The following ACSS3 variants were observed in gnomAD, a reference collection of about 807,000 sequenced individuals.
ACSS3 encodes acyl-CoA synthetase short chain family member 3, also known as acyl-CoA synthetase short-chain family member 3, mitochondrial.
In ACSS3, 64 loss-of-function variants were observed where a neutral mutation model predicts 84.2. The observed-to-expected ratio is 0.76, with a 90% CI of 0.62 to 0.94. The LOEUF (loss-of-function observed/expected upper bound fraction) is 0.94, where lower values mean the gene tolerates loss of function less well. Ranked by LOEUF, ACSS3 falls within the 40% of genes least tolerant of loss-of-function variation. The pLI, the probability that ACSS3 is intolerant of heterozygous loss-of-function variation, is 0.00. For missense variants in ACSS3, 815 were observed against 867.6 expected, an observed-to-expected ratio of 0.94 and a Z score of 0.76; for synonymous variants, 317 against 310.1, an observed-to-expected ratio of 1.02 and a Z score of -0.23.
At chr12:81,149,995 T>C (rs1886532324) in intron 5 of ACSS3, among the ~76,000 whole-genome samples, 2 of 152,196 alleles carry the variant, frequency 1.3e-5, no homozygotes, top group South Asian at 4.1e-4. Context: ...TAAATGTCGT[T>C]TGAAGAAGTA....
Position 81,078,260 on chromosome 12 carries a change from G to T in ACSS3, c.140G>T (p.Gly47Val). Residue 47 changes from glycine (G) to valine (V), a missense_variant, in exon 1 of 16, where the codon GGG becomes GTG. Coordinates refer to ENST00000548058, the MANE Select transcript of ACSS3 (RefSeq NM_024560.4). Reference sequence around the variant, plus strand: ...GTCCCGGGCCCGCGGGGCGGTCTCGGGGGCCGGGGATGCAGGGCACTGTCC... The same window carrying T: ...GTCCCGGGCCCGCGGGGCGGTCTCGTGGGCCGGGGATGCAGGGCACTGTCC... ...LVVPGPRGGL[G>V]GRGCRALSSG... The T allele has an allele frequency of 6.2e-7, 1 of 1,609,728 alleles. No homozygotes were observed. Among genetic ancestry groups the T allele is most frequent in the Non-Finnish European group, 8.5e-7 (1 of 1,179,566 alleles).
intron 13 of ACSS3, among the ~76,000 whole-genome samples, chr12:81,252,718 A>C (rs972536042): frequency 6.6e-6 from 1 of 152,060 alleles, no homozygotes; most frequent in African/African-American, 2.4e-5. Context: ...AGCAGTATGA[A>C]TATAGTTCTT....
At chr12:81,177,749 CA>C (rs1229850719) in intron 8 of ACSS3, among the ~76,000 whole-genome samples, 3 of 152,130 alleles carry the variant, frequency 2.0e-5, no homozygotes, top group African/African-American at 4.8e-5. Flanking sequence ...AAATGGAAAT[CA>C]AAACCACAGT....
At chr12:81,101,605 T>A (rs2121425741) in intron 1 of ACSS3, among the ~76,000 whole-genome samples, 1 of 152,284 alleles carries the variant, frequency 6.6e-6, no homozygotes, top group South Asian at 2.1e-4. Flanking sequence ...ACATATACAT[T>A]GCATTCCTTT....
At chr12:81,111,420 G>C (rs1446483029) in intron 2 of ACSS3, among the ~76,000 whole-genome samples, 1 of 152,160 alleles carries the variant, frequency 6.6e-6, no homozygotes, top group Admixed American at 6.5e-5. Context: ...CCAGGGGAGA[G>C]GCCACTGGTG....
chr12:81,162,806 G>A (rs1035754929), intron 7 of ACSS3, among the ~76,000 whole-genome samples: 2 of 152,142 alleles, frequency 1.3e-5, no homozygotes, highest in African/African-American at 4.8e-5. Flanking sequence ...GTTCAGAGGG[G>A]GCCAAGGAGG....
chr12:81,119,789 G>A (rs1050032991), intron 2 of ACSS3, among the ~76,000 whole-genome samples: 2 of 152,096 alleles, frequency 1.3e-5, no homozygotes, highest in Non-Finnish European at 2.9e-5. Flanking sequence ...TATTGTTCAA[G>A]CACACATGTT....
At chr12:81,127,577 C>T (rs545930666) in intron 2 of ACSS3, among the ~76,000 whole-genome samples, 1 of 152,112 alleles carries the variant, frequency 6.6e-6, no homozygotes, top group South Asian at 2.1e-4. Flanking sequence ...TTTATCCATA[C>T]TTTTAGTAAT....
At chr12:81,146,099 GT>G (rs1173157869) in intron 5 of ACSS3, among the ~76,000 whole-genome samples, 2 of 151,990 alleles carry the variant, frequency 1.3e-5, no homozygotes, top group Non-Finnish European at 2.9e-5. Flanking sequence ...ATACATATTA[GT>G]TTTTATTTAT....
chr12:81,126,070 G>A (rs996035120), intron 2 of ACSS3, among the ~76,000 whole-genome samples: 8 of 152,062 alleles, frequency 5.3e-5, no homozygotes, highest in Non-Finnish European at 8.8e-5. Flanking sequence ...GTCTAAACTC[G>A]ATGGGCATAA....
chr12:81,185,431 T>C (rs574701340), intron 8 of ACSS3, among the ~76,000 whole-genome samples: 1 of 151,776 alleles, frequency 6.6e-6, no homozygotes, highest in South Asian at 2.1e-4. Flanking sequence ...TGTTGTCCTA[T>C]ATGCAAAAAC....
chr12:81,078,499 G>A, intron 1 of ACSS3, 68 bp downstream of exon 1: 1 of 1,543,388 alleles, frequency 6.5e-7, no homozygotes, highest in Non-Finnish European at 8.8e-7. Context: ...GGACCTCCCT[G>A]GGACCTGGAA....
chr12:81,118,686 A>C, intron 2 of ACSS3, among the ~76,000 whole-genome samples: 1 of 152,176 alleles, frequency 6.6e-6, no homozygotes, highest in East Asian at 1.9e-4. Flanking sequence ...AATAAATAAT[A>C]CCTGAAATTG....
chr12:81,246,685 C>G (rs557994704), intron 13 of ACSS3, among the ~76,000 whole-genome samples: 1 of 152,054 alleles, frequency 6.6e-6, no homozygotes, highest in South Asian at 2.1e-4. Flanking sequence ...AGTTTTTAAA[C>G]TGAATGGAGC....
At chr12:81,107,511 C>CATATATATATATAT (rs566270568) in intron 1 of ACSS3, among the ~76,000 whole-genome samples, 2 of 38,830 alleles carry the variant, frequency 5.2e-5, no homozygotes, top group African/African-American at 8.5e-5. Flanking sequence ...CAAATATATA[C>CATATATATATATAT]ATATATATAT....
At chr12:81,177,637 T>C (rs1317076227) in intron 8 of ACSS3, among the ~76,000 whole-genome samples, 2 of 151,652 alleles carry the variant, frequency 1.3e-5, no homozygotes, top group East Asian at 1.9e-4. Context: ...AACAACCCCA[T>C]CAAAAAGTGG....
chr12:81,078,453 C>G (rs754308903), intron 1 of ACSS3, 22 bp downstream of exon 1: 2 of 1,609,576 alleles, frequency 1.2e-6, no homozygotes, highest in Non-Finnish European at 1.7e-6. Flanking sequence ...CTGTGCCAAC[C>G]CTGATCCCCC....
chr12:81,179,367 A>G (rs961439621), intron 8 of ACSS3, among the ~76,000 whole-genome samples: 2 of 151,856 alleles, frequency 1.3e-5, no homozygotes, highest in Non-Finnish European at 2.9e-5. Flanking sequence ...GGACAGCAAA[A>G]GAAACTATCA....
intron 9 of ACSS3, among the ~76,000 whole-genome samples, chr12:81,205,286 TGTTATGA>T (rs986797964): frequency 6.6e-6 from 1 of 152,146 alleles, no homozygotes; most frequent in African/African-American, 2.4e-5. Context: ...CAGGGCTGCT[TGTTATGA>T]TTTCTTATTT....
Sources: allele counts gnomAD v4.1 joint callset (sites outside exome capture counted in the v4.1 genomes callset), GRCh38; gene constraint gnomAD v4.1.1; transcripts MANE v1.5; gene names NCBI Gene and HGNC (gene_info 2026-07-23, HGNC 2026-07-21).